Variants in CCSER2 observed in about 807,000 individuals in gnomAD.
CCSER2 encodes the protein serine-rich coiled-coil domain-containing protein 2.
CCSER2 carries 46 observed loss-of-function variants against 92.3 expected under a neutral mutation model. That is an observed-to-expected ratio of 0.50 (90% CI 0.39 to 0.64). The LOEUF (loss-of-function observed/expected upper bound fraction) is 0.64, where lower values mean the gene tolerates loss of function less well. Among genes scored for constraint, CCSER2 ranks in the 30% least tolerant of loss-of-function variants. The pLI is 0.00. For synonymous variants in CCSER2, 433 were observed against 431.4 expected, an observed-to-expected ratio of 1.00 and a Z score of -0.04; for missense variants, 1,244 against 1,238.9, an observed-to-expected ratio of 1.00 and a Z score of -0.06.
chr10:84,436,122 G>T (rs962758239), intron 5 of CCSER2, among the ~76,000 whole-genome samples: 1 of 141,336 alleles, frequency 7.1e-6, no homozygotes, highest in African/African-American at 2.7e-5. Flanking sequence ...GAGGTCAGGA[G>T]ATCGAGACCA....
At chr10:84,491,205 G>A (rs1198644768) in intron 9 of CCSER2, among the ~76,000 whole-genome samples, 1 of 152,198 alleles carries the variant, frequency 6.6e-6, no homozygotes, top group Non-Finnish European at 1.5e-5. Context: ...ACTTGAGGAG[G>A]CAGTCTGTCC....
chr10:84,457,519 TATATA>T (rs1472689419), intron 6 of CCSER2, among the ~76,000 whole-genome samples: 7 of 119,054 alleles, frequency 5.9e-5, no homozygotes, highest in Non-Finnish European at 9.7e-5. Context: ...TATATATTTA[TATATA>T]ATATATGTAT....
At position 84,506,825 on chromosome 10, in the gene CCSER2, A is replaced by AAATT. The variant is rs1296422260; in HGVS notation, c.2326-6621_2326-6620insTAAT. Among the ~76,000 whole-genome samples the AAATT allele has an allele frequency of 2.6e-5, 4 of 151,880 alleles. No individual in the cohort carries two copies. The East Asian group carries it at 7.7e-4, about 29-fold the overall frequency. On this transcript the variant is annotated intron_variant, in intron 9 of 9. Coordinates refer to ENST00000372088, the MANE Select transcript of CCSER2 (RefSeq NM_001284240.2). Reference sequence around the variant, plus strand: ...TAAATAAATAAATAAATAAATAAATAAATCTAACACTTATTTAATCTTATA... The same window carrying AAATT: ...TAAATAAATAAATAAATAAATAAATAAATTAATCTAACACTTATTTAATCTTATA...
chr10:84,391,828 A>T, intron 3 of CCSER2: 1 of 1,558,232 alleles, frequency 6.4e-7, no homozygotes, highest in Non-Finnish European at 8.8e-7. Flanking sequence ...TGGAATTTGT[A>T]CCATGATCAT....
At chr10:84,385,684 T>C (rs1227215243) in intron 3 of CCSER2, among the ~76,000 whole-genome samples, 1 of 152,176 alleles carries the variant, frequency 6.6e-6, no homozygotes, top group African/African-American at 2.4e-5. Flanking sequence ...TTCTGGACAT[T>C]GGCTTAGGCA....
Position 84,412,249 on chromosome 10 carries a change from CT to C in CCSER2, c.1615-5513del, listed in dbSNP as rs566811525. Among the ~76,000 whole-genome samples, 157 of 151,310 alleles carry C rather than the reference CT, an allele frequency of 1.0e-3. 1 individual carries two copies. Among genetic ancestry groups the C allele is most frequent in the East Asian group, 8.9e-3 (46 of 5,152 alleles). ...ATCAAGGATATTGGCCTAAAGTTTT[CT>C]TTTTTTTTATTGTATCTCTGCCAGG... On this transcript the variant is annotated intron_variant, in intron 3 of 9. Coordinates refer to ENST00000372088, the MANE Select transcript of CCSER2 (RefSeq NM_001284240.2).
chr10:84,495,962 A>AT (rs1344266865), intron 9 of CCSER2, among the ~76,000 whole-genome samples: 5 of 135,590 alleles, frequency 3.7e-5, no homozygotes, highest in Non-Finnish European at 8.3e-5. Context: ...CTGCCATTTT[A>AT]TTTTTTTCTT....
chr10:84,374,329 C>T (rs1846217941), intron 3 of CCSER2, among the ~76,000 whole-genome samples: 1 of 152,142 alleles, frequency 6.6e-6, no homozygotes. Flanking sequence ...TGGGATAATA[C>T]AATACAAGTG....
chr10:84,468,045 G>A (rs971057285), intron 7 of CCSER2, among the ~76,000 whole-genome samples: 3 of 152,194 alleles, frequency 2.0e-5, no homozygotes, highest in African/African-American at 7.2e-5. Context: ...ATGCGTGATA[G>A]TCATGGCTCT....
intron 1 of CCSER2, among the ~76,000 whole-genome samples, chr10:84,357,698 C>T (rs188377315): frequency 1.3e-5 from 2 of 152,272 alleles, no homozygotes; most frequent in East Asian, 3.9e-4. Context: ...GATTCGCCCG[C>T]CTCAGACTCC....
chr10:84,391,545 T>G, intron 3 of CCSER2: 1 of 1,494,206 alleles, frequency 6.7e-7, no homozygotes, highest in Non-Finnish European at 9.3e-7. Context: ...TTCATTTCAG[T>G]CTGCAACAAT....
At chr10:84,396,039 A>G (rs1341394443) in intron 3 of CCSER2, among the ~76,000 whole-genome samples, 2 of 152,176 alleles carry the variant, frequency 1.3e-5, no homozygotes, top group Admixed American at 1.3e-4. Flanking sequence ...CGTATATATT[A>G]AAGACCAAGA....
At chr10:84,398,919 A>G (rs944298288) in intron 3 of CCSER2, among the ~76,000 whole-genome samples, 1 of 152,242 alleles carries the variant, frequency 6.6e-6, no homozygotes, top group African/African-American at 2.4e-5. Flanking sequence ...CAGTGCCTGT[A>G]TTCTGGTGAT....
At chr10:84,474,706 G>A (rs1369571617) in intron 8 of CCSER2, among the ~76,000 whole-genome samples, 1 of 150,662 alleles carries the variant, frequency 6.6e-6, no homozygotes, top group East Asian at 1.9e-4. Context: ...GACCATATAG[G>A]GTTATGATAG....
chr10:84,457,360 TTTA>T (rs869304186), intron 6 of CCSER2, among the ~76,000 whole-genome samples: 2 of 30,820 alleles, frequency 6.5e-5, no homozygotes, highest in Non-Finnish European at 1.9e-4. Flanking sequence ...AATATATATA[TTTA>T]TTTTAAATAT....
At chr10:84,446,973 A>G (rs1844959677) in intron 6 of CCSER2, among the ~76,000 whole-genome samples, 1 of 150,534 alleles carries the variant, frequency 6.6e-6, no homozygotes, top group Admixed American at 6.6e-5. Flanking sequence ...CAATCTATGA[A>G]CGAAACATAA....
chr10:84,507,388 G>GT, intron 9 of CCSER2: 24 of 893,612 alleles, frequency 2.7e-5, no homozygotes, highest in Non-Finnish European at 3.1e-5. Context: ...CACTTTTTTT[G>GT]GTTTTTTTTT....
chr10:84,388,954 G>A (rs1158491125), intron 3 of CCSER2, among the ~76,000 whole-genome samples: 3 of 152,162 alleles, frequency 2.0e-5, no homozygotes, highest in Admixed American at 6.5e-5. Context: ...CCAGGGGTTA[G>A]ACTCCTGCTT....
rs576357369 is a variant in CCSER2, at chr10:84,455,744, A to G, written c.2065-8189A>G. On this transcript the variant is annotated intron_variant, in intron 6 of 9. Coordinates refer to ENST00000372088, the MANE Select transcript of CCSER2 (RefSeq NM_001284240.2). Reference sequence around the variant, plus strand: ...TGACCTCTCTGTAAAATGCACCTGCACATTCTCAGAGGGAACTTGATGAAC... The same window carrying G: ...TGACCTCTCTGTAAAATGCACCTGCGCATTCTCAGAGGGAACTTGATGAAC... 314 of 1,012,926 alleles carry G rather than the reference A, an allele frequency of 3.1e-4. 1 individual carries two copies. In the African/African-American group the frequency reaches 4.5e-3, roughly 15 times the overall value. The allele number at this position is 1,012,926 out of a possible 1,614,324, so 62.7% of individuals were successfully genotyped here.
Sources: gnomAD v4.1 joint callset for allele counts (sites outside exome capture counted in the v4.1 genomes callset) on GRCh38, gnomAD v4.1.1 for gene constraint, MANE v1.5 for transcripts, NCBI Gene and HGNC (gene_info 2026-07-23, HGNC 2026-07-21) for gene names.